Variants in SCP2 observed in about 807,000 individuals in gnomAD.
SCP2 encodes sterol carrier protein 2.
In SCP2, 48 loss-of-function variants were observed where a neutral mutation model predicts 71.4. The ratio of observed to expected loss-of-function variants is 0.67; its 90% CI spans 0.53 to 0.86. The LOEUF is 0.86. Among genes scored for constraint, SCP2 ranks in the 40% least tolerant of loss-of-function variants. SCP2 has a pLI of 0.00. For synonymous variants in SCP2, 220 were observed against 218.1 expected, an observed-to-expected ratio of 1.01 and a Z score of -0.08; for missense variants, 560 against 655.6, an observed-to-expected ratio of 0.85 and a Z score of 1.59.
intron 11 of SCP2, among the ~76,000 whole-genome samples, chr1:52,991,253 G>A (rs1557592221): frequency 1.3e-5 from 2 of 152,172 alleles, no homozygotes; most frequent in Non-Finnish European, 2.9e-5. Context: ...TGTATGTAAA[G>A]TATATAGTAG....
chr1:52,960,037 G>A (rs536048416), intron 5 of SCP2, among the ~76,000 whole-genome samples: 2 of 151,744 alleles, frequency 1.3e-5, no homozygotes, highest in South Asian at 2.1e-4. Context: ...GATTACAGGC[G>A]CCTGCCACCA....
chr1:53,047,658 C>T (rs573909844), intron 14 of SCP2, among the ~76,000 whole-genome samples, 200 bp from the exon 15 acceptor site: 7 of 152,110 alleles, frequency 4.6e-5, no homozygotes, highest in East Asian at 1.9e-4. Flanking sequence ...TAATCAATTC[C>T]GTCTTGTTAA....
At position 52,976,923 on chromosome 1, in the gene SCP2, C is replaced by T. The variant is rs553022703; in HGVS notation, c.674+154C>T. On this transcript the variant is annotated intron_variant, in intron 8 of 15. Transcript: ENST00000371514. The stretch of plus-strand genomic sequence containing the variant: ...CACTCTGGGTCACTTCACTAGAGTA[C>T]CCTACTTCTTACTCCTGCCTGGAGA... Among the ~76,000 whole-genome samples the T allele has an allele frequency of 3.9e-5, 6 of 152,216 alleles. No homozygotes were observed. In the South Asian group the frequency reaches 1.2e-3, roughly 32 times the overall value.
At chr1:52,933,503 T>C (rs551027901) in intron 1 of SCP2, among the ~76,000 whole-genome samples, 19 of 152,358 alleles carry the variant, frequency 1.2e-4, no homozygotes, top group African/African-American at 4.3e-4. Context: ...AAAAATCAAC[T>C]AATTATAGTC....
At chr1:52,982,542 C>G (rs1407399413) in intron 10 of SCP2, among the ~76,000 whole-genome samples, 2 of 152,066 alleles carry the variant, frequency 1.3e-5, no homozygotes, top group African/African-American at 2.4e-5. Flanking sequence ...TGCACTCCAG[C>G]CTGGGTGACA....
At chr1:53,044,599 A>G (rs1279765753) in intron 14 of SCP2, among the ~76,000 whole-genome samples, 1 of 152,240 alleles carries the variant, frequency 6.6e-6, no homozygotes, top group Non-Finnish European at 1.5e-5. Context: ...TACACATATA[A>G]GTAGTTTCAG....
Position 53,051,184 on chromosome 1 carries a change from A to T in SCP2, c.*480A>T, listed in dbSNP as rs1412088344. On this transcript the variant is annotated 3_prime_UTR_variant, in exon 16 of 16. Transcript: ENST00000371514. ...CAATTTCTCAATAGTTCTTAAAATT[A>T]GTGAGATTAAAAATCTAAAAATTTT... The T allele has an allele frequency of 6.6e-6, 1 of 152,528 alleles. No individual in the cohort carries two copies. Among genetic ancestry groups the T allele is most frequent in the Non-Finnish European group, 1.5e-5 (1 of 68,266 alleles). 9.4% of individuals were successfully genotyped at this position (152,528 alleles called of 1,614,324 possible).
At chr1:52,996,619 T>G (rs1332336922) in intron 11 of SCP2, among the ~76,000 whole-genome samples, 1 of 152,198 alleles carries the variant, frequency 6.6e-6, no homozygotes, top group Non-Finnish European at 1.5e-5. Context: ...TGCCCCACTC[T>G]GTCAAGTGGA....
intron 14 of SCP2, among the ~76,000 whole-genome samples, chr1:53,046,154 A>C (rs183342822): frequency 9.9e-5 from 15 of 152,144 alleles, no homozygotes; most frequent in Admixed American, 2.0e-4. Flanking sequence ...GTAAGTTTTC[A>C]TTTTTCTTCG....
intron 12 of SCP2, among the ~76,000 whole-genome samples, chr1:53,025,330 T>C (rs1212653357): frequency 6.6e-6 from 1 of 152,200 alleles, no homozygotes; most frequent in Admixed American, 6.5e-5. Flanking sequence ...CTCTTGTTTC[T>C]CTATAATTCT....
At chr1:52,977,661 G>T (rs1658099308) in intron 8 of SCP2, among the ~76,000 whole-genome samples, 1 of 152,146 alleles carries the variant, frequency 6.6e-6, no homozygotes, top group South Asian at 2.1e-4. Flanking sequence ...GTAATTCTTT[G>T]CAATAAGAAC....
intron 6 of SCP2, chr1:52,963,651 G>C (rs1221279937): frequency 6.6e-6 from 1 of 152,158 alleles, no homozygotes; most frequent in Non-Finnish European, 1.5e-5. Context: ...AGTAATAGTA[G>C]CTGCTCTTTG....
chr1:53,005,766 G>A (rs1048051708), intron 11 of SCP2, among the ~76,000 whole-genome samples: 9 of 152,282 alleles, frequency 5.9e-5, no homozygotes, highest in Middle Eastern at 3.4e-3. Context: ...AAATTTGGAC[G>A]CAGAGTGACT....
At chr1:52,961,380 A>C (rs905130277) in intron 5 of SCP2, 123 bp from the exon 6 acceptor site, 6 of 999,198 alleles carry the variant, frequency 6.0e-6, no homozygotes, top group Admixed American at 5.9e-5. Context: ...GATTTGATTC[A>C]CATTGACAAT....
chr1:53,046,459 G>C (rs1663826767), intron 14 of SCP2, among the ~76,000 whole-genome samples: 1 of 151,842 alleles, frequency 6.6e-6, no homozygotes, highest in Non-Finnish European at 1.5e-5. Context: ...TGGCCATTTG[G>C]AGATCTTCTT....
intron 5 of SCP2, among the ~76,000 whole-genome samples, chr1:52,960,998 CG>C (rs1656378108): frequency 6.6e-6 from 1 of 151,340 alleles, no homozygotes; most frequent in South Asian, 2.1e-4. Context: ...GTGATCCACC[CG>C]TCTCAGCCTC....
intron 12 of SCP2, among the ~76,000 whole-genome samples, chr1:53,023,645 T>A (rs1661904760): frequency 6.6e-6 from 1 of 152,056 alleles, no homozygotes; most frequent in African/African-American, 2.4e-5. Flanking sequence ...AAGGGCTGGG[T>A]CTCGAAGGGA....
chr1:52,997,596 A>G (rs1388274792), intron 11 of SCP2, among the ~76,000 whole-genome samples: 1 of 152,200 alleles, frequency 6.6e-6, no homozygotes, highest in Non-Finnish European at 1.5e-5. Flanking sequence ...ATCCATAGAG[A>G]CAGAAAATAG....
intron 11 of SCP2, among the ~76,000 whole-genome samples, chr1:53,009,615 C>A (rs1207484641): frequency 2.0e-5 from 3 of 152,114 alleles, no homozygotes; most frequent in Non-Finnish European, 2.9e-5. Flanking sequence ...ACACCTTATA[C>A]AAAAATTAAT....
Sources: allele counts gnomAD v4.1 joint callset (sites outside exome capture counted in the v4.1 genomes callset), GRCh38; gene constraint gnomAD v4.1.1; transcripts MANE v1.5; gene names NCBI Gene and HGNC (gene_info 2026-07-23, HGNC 2026-07-21).